The following HECW1 variants were observed in gnomAD, a reference collection of about 807,000 sequenced individuals.
HECW1 encodes the protein HECT, C2 and WW domain containing E3 ubiquitin protein ligase 1, also known as E3 ubiquitin-protein ligase HECW1.
HECW1 carries 61 observed loss-of-function variants against 182.3 expected under a neutral mutation model. That is an observed-to-expected ratio of 0.33 (90% confidence interval 0.27 to 0.41). The LOEUF (loss-of-function observed/expected upper bound fraction) is 0.41. Ranked by LOEUF, HECW1 falls within the 10% of genes least tolerant of loss-of-function variation. The pLI is 1.00. For missense variants in HECW1, 1,739 were observed against 2,108.9 expected, an observed-to-expected ratio of 0.82 and a Z score of 3.44; for synonymous variants, 859 against 832.6, an observed-to-expected ratio of 1.03 and a Z score of -0.55.
chr7:43,538,583 A>C (rs1406830646), intron 24 of HECW1, among the ~76,000 whole-genome samples: 7 of 152,162 alleles, frequency 4.6e-5, no homozygotes, highest in Non-Finnish European at 1.0e-4. Flanking sequence ...CTCACATCTC[A>C]AAATAGACAC....
chr7:43,232,021 C>CAAAAA (rs34791514), intron 2 of HECW1, among the ~76,000 whole-genome samples: 1 of 71,348 alleles, frequency 1.4e-5, no homozygotes, highest in Non-Finnish European at 2.7e-5. Context: ...GACTCCATCT[C>CAAAAA]AAAAAAAAAA....
At position 43,432,381 on chromosome 7, in the gene HECW1, C is replaced by T. The variant is rs1005669530; in HGVS notation, c.802-5622C>T. 3.1e-4 allele frequency among the ~76,000 whole-genome samples: 47 copies of T among 150,180 alleles called. No homozygotes were observed. The East Asian group carries it at 6.7e-3, about 22-fold the overall frequency. On this transcript the variant is annotated intron_variant, in intron 8 of 29. Transcript: ENST00000395891. This position sits in a 1 kb window ranked among gnomAD's most constrained non-coding sequence, Gnocchi z 4.1. The stretch of plus-strand genomic sequence containing the variant: ...GTCTCGATCTCCTGACCTCGTGATC[C>T]GCCCGCCTCGGCCTCCCAAAGTGCT...
rs185516094 is a variant in HECW1 at position 43,548,162 on chromosome 7, T to C, written c.4249-2283T>C. ...TTCATAAATTTTAACTTTTTAATAA[T>C]AGATTTGTGTACATTTTATGTTAGT... On this transcript the variant is annotated intron_variant, in intron 26 of 29. Coordinates refer to ENST00000395891, the MANE Select transcript of HECW1 (RefSeq NM_015052.5). Among the ~76,000 whole-genome samples, 185 of 152,308 alleles carry C rather than the reference T, an allele frequency of 1.2e-3. 1 individual carries two copies. Among genetic ancestry groups the C allele is most frequent in the African/African-American group, 4.1e-3 (169 of 41,580 alleles).
intron 5 of HECW1, among the ~76,000 whole-genome samples, chr7:43,322,943 A>C (rs1810321610): frequency 6.6e-6 from 1 of 152,342 alleles, no homozygotes; most frequent in East Asian, 1.9e-4. Context: ...ACAACTTGAA[A>C]GTTTTTATCT....
At chr7:43,295,303 A>AG (rs1195674758) in intron 3 of HECW1, among the ~76,000 whole-genome samples, 1 of 152,026 alleles carries the variant, frequency 6.6e-6, no homozygotes, top group Non-Finnish European at 1.5e-5. Flanking sequence ...TATAATTGTG[A>AG]GGGGGGTATA....
intron 3 of HECW1, among the ~76,000 whole-genome samples, chr7:43,272,069 C>T (rs1347726561): frequency 1.3e-5 from 2 of 151,844 alleles, no homozygotes. Context: ...TAATCTCCAA[C>T]AAAATTGACA....
At position 43,157,547 on chromosome 7, in the gene HECW1, T is replaced by C. The variant is rs142535837; in HGVS notation, c.-32+43156T>C. ...GTCACAGGGTTTACATTTATAAGGA[T>C]AAAATTGATATATTCTTTTCTTTCT... On this transcript the variant is annotated intron_variant, in intron 2 of 29. Coordinates refer to ENST00000395891, the MANE Select transcript of HECW1 (RefSeq NM_015052.5). Among the ~76,000 whole-genome samples the C allele has an allele frequency of 7.2e-5, 11 of 152,332 alleles. No homozygotes were observed. In the East Asian group the frequency reaches 2.1e-3, roughly 29 times the overall value.
intron 7 of HECW1, among the ~76,000 whole-genome samples, chr7:43,405,155 T>C (rs2075563805): frequency 1.3e-5 from 2 of 152,212 alleles, no homozygotes; most frequent in Non-Finnish European, 1.5e-5. Context: ...AGAAAATGTA[T>C]TTTAAGTGCT....
chr7:43,326,144 G>A (rs916669095), intron 5 of HECW1, among the ~76,000 whole-genome samples: 1 of 152,200 alleles, frequency 6.6e-6, no homozygotes, highest in South Asian at 2.1e-4. Flanking sequence ...GGGCCAAAGG[G>A]GCTGGGGTGC....
chr7:43,244,221 T>A (rs975137709), intron 3 of HECW1, among the ~76,000 whole-genome samples: 2 of 152,244 alleles, frequency 1.3e-5, no homozygotes, highest in Non-Finnish European at 2.9e-5. Flanking sequence ...GGAAACATTC[T>A]ATGATGCTAC....
intron 2 of HECW1, among the ~76,000 whole-genome samples, chr7:43,144,891 G>A (rs1367821851): frequency 6.6e-6 from 1 of 152,100 alleles, no homozygotes; most frequent in Non-Finnish European, 1.5e-5. Context: ...ATTTTATGTA[G>A]CAAAATCTAT....
intron 2 of HECW1, among the ~76,000 whole-genome samples, chr7:43,201,197 A>C (rs1015480775): frequency 6.6e-6 from 1 of 152,170 alleles, no homozygotes; most frequent in African/African-American, 2.4e-5. Flanking sequence ...TGGCCTGCCC[A>C]AGTCCCTCCT....
At chr7:43,183,523 T>C (rs1793068569) in intron 2 of HECW1, among the ~76,000 whole-genome samples, 1 of 152,190 alleles carries the variant, frequency 6.6e-6, no homozygotes, top group Non-Finnish European at 1.5e-5. Context: ...AAGAAGAATA[T>C]ATATACACAT....
intron 17 of HECW1, among the ~76,000 whole-genome samples, chr7:43,481,332 C>T (rs1236703422): frequency 6.6e-6 from 1 of 152,160 alleles, no homozygotes; most frequent in East Asian, 1.9e-4. Context: ...TTAAAAAGTT[C>T]AAGCTCTTTA....
At chr7:43,269,250 TAGTTGTACTGAATAC>T (rs1802122184) in intron 3 of HECW1, among the ~76,000 whole-genome samples, 1 of 152,272 alleles carries the variant, frequency 6.6e-6, no homozygotes, top group African/African-American at 2.4e-5. Flanking sequence ...TTCTCTGTTT[TAGTTGTACTGAATAC>T]AGCACAGCTG....
Position 43,554,605 on chromosome 7 carries a change from G to A in HECW1, c.4524G>A (p.Gly1508=), listed in dbSNP as rs572354127. 6.2e-7 allele frequency: 1 copy of A among 1,612,702 alleles called. No individual in the cohort carries two copies. Among genetic ancestry groups the A allele is most frequent in the Non-Finnish European group, 8.5e-7 (1 of 1,179,320 alleles). ...NTEYRGGYHD[G]HLVIRWFWAA... ...TGCCTCGTGCAGGTTACCACGATGG[G>A]CATCTTGTGATCCGCTGGTTCTGGG... is the stretch of plus-strand genomic sequence containing the variant. The change falls in exon 29 of 30, where the codon GGG becomes GGA. Residue 1508 remains glycine, a synonymous_variant. Coordinates refer to ENST00000395891, the MANE Select transcript of HECW1 (RefSeq NM_015052.5).
At chr7:43,246,457 G>A (rs748430050) in intron 3 of HECW1, among the ~76,000 whole-genome samples, 1 of 152,182 alleles carries the variant, frequency 6.6e-6, no homozygotes, top group Non-Finnish European at 1.5e-5. Context: ...TCAACCAGGG[G>A]TACATCGCAA....
intron 24 of HECW1, among the ~76,000 whole-genome samples, chr7:43,525,264 T>C (rs1223630266): frequency 6.6e-6 from 1 of 152,242 alleles, no homozygotes; most frequent in African/African-American, 2.4e-5. Flanking sequence ...ATTGGAACTA[T>C]TATTTAAATT....
chr7:43,373,346 G>T (rs935165919), intron 6 of HECW1, among the ~76,000 whole-genome samples: 16 of 151,610 alleles, frequency 1.1e-4, no homozygotes, highest in African/African-American at 3.9e-4. Flanking sequence ...TTTTAGTCGA[G>T]ATGGGGTTTC....
Sources: allele counts gnomAD v4.1 joint callset (sites outside exome capture counted in the v4.1 genomes callset), GRCh38; gene constraint gnomAD v4.1.1; non-coding constraint Gnocchi (gnomAD v3.1); transcripts MANE v1.5; gene names NCBI Gene and HGNC (gene_info 2026-07-23, HGNC 2026-07-21).